Variants in MRGPRG observed in about 807,000 individuals in gnomAD.
MRGPRG encodes the protein MAS related GPR family member G.
For missense variants in MRGPRG, 395 were observed against 394.7 expected (o/e 1.00, Z -0.01); for synonymous variants, 216 against 206.7 (o/e 1.05, Z -0.39).
rs565968937 is a variant in MRGPRG at position 3,218,211 on chromosome 11, C to T, written c.603G>A (p.Leu201=). ...RPRPRLYGIV[L]GALLLLFFCG... is the part of the protein sequence containing the mutation. ...AGAAGAAGAGCAGGAGCAGCGCGCC[C>T]AGGACGATGCCGTAGAGCCTGGGCC... The change falls in exon 1 of 1, where the codon CTG becomes CTA. Residue 201 remains leucine (L), a synonymous_variant. Coordinates refer to ENST00000332314, the MANE Select transcript of MRGPRG (RefSeq NM_001164377.1). 60 of 1,530,676 alleles carry T rather than the reference C, an allele frequency of 3.9e-5. No homozygotes were observed. The East Asian group carries it at 1.4e-3, about 36-fold the overall frequency. The allele number at this position is 1,530,676 out of a possible 1,614,324, so 94.8% of individuals were successfully genotyped here. A position where few individuals can be genotyped will look rare whatever the true frequency, so the allele number is the denominator to read the frequency against.
chr11:3,218,561 T>A lies in MRGPRG; in HGVS notation c.253A>T (p.Thr85Ser). The A allele has an allele frequency of 1.3e-6, 2 of 1,543,064 alleles. No individual in the cohort carries two copies. The highest frequency in any genetic ancestry group is 1.7e-6 in the Non-Finnish European group (2 of 1,142,854). Reference sequence around the variant, plus strand: ...AGCCCCACCGCGAACCACAGGAAGGTGAGCACGAAGTAGAGTGTGTCCTGG... The same window carrying A: ...AGCCCCACCGCGAACCACAGGAAGGAGAGCACGAAGTAGAGTGTGTCCTGG... ...GAQDTLYFVL[T>S]FLWFAVGLWL... is the part of the protein sequence containing the mutation. Residue 85 changes from threonine (T) to serine (S), a missense_variant, in exon 1 of 1, where the codon ACC becomes TCC. Thr to Ser is a moderately conservative substitution (Grantham distance 58). Coordinates refer to ENST00000332314, the MANE Select transcript of MRGPRG (RefSeq NM_001164377.1).
rs1376151435 is a variant in MRGPRG at position 3,218,094 on chromosome 11, G to A, written c.720C>T (p.Cys240=). Reference sequence around the variant, plus strand: ...TGAGGGGCTTGGAGCTGCTGTTGACGCAGGCCAGCAGCGTGGCCAGCGGGG... The same window carrying A: ...TGAGGGGCTTGGAGCTGCTGTTGACACAGGCCAGCAGCGTGGCCAGCGGGG... ...VFSPLATLLA[C]VNSSSKPLIY... is the part of the protein sequence containing the mutation. The change falls in exon 1 of 1, where the codon TGC becomes TGT. Residue 240 remains cysteine (C), a synonymous_variant. Coordinates refer to ENST00000332314, the MANE Select transcript of MRGPRG (RefSeq NM_001164377.1). 1.9e-6 allele frequency: 3 copies of A among 1,544,750 alleles called. No homozygotes were observed. The highest frequency in any genetic ancestry group is 1.4e-5 in the African/African-American group (1 of 72,802).
chr11:3,217,992 G>A lies in MRGPRG; in HGVS notation c.822C>T (p.Gly274=). Residue 274 remains glycine (G), a synonymous_variant, in exon 1 of 1, where the codon GGC becomes GGT. Coordinates refer to ENST00000332314, the MANE Select transcript of MRGPRG (RefSeq NM_001164377.1). The surrounding 1 kb of genome is among the most constrained non-coding windows in gnomAD (Gnocchi z 6.5). ...ACTGTCCCCTGGCACCCAGCTCGGCGCCCTCCCCCAGGGCCCTCCGCAGTA... is the reference window on the plus strand; with the variant it reads ...ACTGTCCCCTGGCACCCAGCTCGGCACCCTCCCCCAGGGCCCTCCGCAGTA... The part of the protein sequence containing the change: ...RSVLRRALGE[G]AELGARGQSL... The A allele has an allele frequency of 6.6e-7, 1 of 1,520,974 alleles. No homozygotes were observed. Among genetic ancestry groups the A allele is most frequent in the Non-Finnish European group, 8.9e-7 (1 of 1,128,124 alleles). The allele number at this position is 1,520,974 out of a possible 1,614,324, so 94.2% of individuals were successfully genotyped here.
Position 3,218,147 on chromosome 11 carries a change from G to A in MRGPRG, c.667C>T (p.Leu223=). Residue 223 remains leucine (L), a synonymous_variant, in exon 1 of 1, where the codon CTG becomes TTG. Transcript: ENST00000332314. ...PSVFYWSLQP[L]LNFLLPVFSP... ...AACACGGGCAGCAGGAAGTTCAGCA[G>A]GGGCTGCAGGCTCCAGTAGAAGACC... 5.8e-6 allele frequency: 9 copies of A among 1,544,696 alleles called. No homozygotes were observed. The highest frequency in any genetic ancestry group is 7.9e-6 in the Non-Finnish European group (9 of 1,143,344).
chr11:3,218,123 A>T lies in MRGPRG; in HGVS notation c.691T>A (p.Phe231Ile). The change falls in exon 1 of 1, where the codon TTT becomes ATT. Residue 231 changes from phenylalanine (F) to isoleucine (I), a missense_variant. By Grantham distance (21) the Phe-to-Ile change is conservative. Coordinates refer to ENST00000332314, the MANE Select transcript of MRGPRG (RefSeq NM_001164377.1). ...GCCAGCAGCGTGGCCAGCGGGGAAA[A>T]CACGGGCAGCAGGAAGTTCAGCAGG... ...QPLLNFLLPV[F>I]SPLATLLACV... 1.3e-6 allele frequency: 2 copies of T among 1,544,760 alleles called. No individual in the cohort carries two copies. Among genetic ancestry groups the T allele is most frequent in the South Asian group, 1.2e-5 (1 of 83,376 alleles).
chr11:3,218,356 G>A lies in MRGPRG; in HGVS notation c.458C>T (p.Pro153Leu). 2 of 1,467,486 alleles carry A rather than the reference G, an allele frequency of 1.4e-6. No individual in the cohort carries two copies. Among genetic ancestry groups the A allele is most frequent in the East Asian group, 2.5e-5 (1 of 40,348 alleles). 90.9% of individuals were successfully genotyped at this position (1,467,486 alleles called of 1,614,324 possible). A position where few individuals can be genotyped will look rare whatever the true frequency, so the allele number is the denominator to read the frequency against. The change falls in exon 1 of 1, where the codon CCC (proline) becomes CTC (leucine). Residue 153 changes from proline (P) to leucine (L), a missense_variant. Physicochemically the swap from Pro to Leu is moderately conservative, Grantham distance 98. Coordinates refer to ENST00000332314, the MANE Select transcript of MRGPRG (RefSeq NM_001164377.1). ...ACGLLRNSACPLVCPRYHVAS... is the reference protein window; with the variant it reads ...ACGLLRNSACLLVCPRYHVAS... ...CACGTGGTAGCGCGGGCAGACCAGG[G>A]GGCACGCGCTGTTGCGCAGCAGGCC...
In MRGPRG at chr11:3,218,387, C is replaced by A; in HGVS notation, c.427G>T (p.Ala143Ser). Residue 143 changes from alanine to serine, a missense_variant, in exon 1 of 1, where the codon GCC becomes TCC. Transcript: ENST00000332314. ...GCGCTGTTGCGCAGCAGGCCGCAGG[C>A]GTTGGCGGGCAGCGGCACGGCCGGC... ...TLPAVPLPAN[A>S]CGLLRNSACP... 6.7e-7 allele frequency: 1 copy of A among 1,496,102 alleles called. No individual in the cohort carries two copies. The highest frequency in any genetic ancestry group is 2.3e-5 in the Admixed American group (1 of 44,320). 92.7% of individuals were successfully genotyped at this position (1,496,102 alleles called of 1,614,324 possible). A position where few individuals can be genotyped will look rare whatever the true frequency, so the allele number is the denominator to read the frequency against.
rs1847650090 is a variant in MRGPRG at position 3,218,572 on chromosome 11, T to C, written c.242A>G (p.Tyr81Cys). The C allele has an allele frequency of 1.9e-6, 3 of 1,544,080 alleles. No homozygotes were observed. Among genetic ancestry groups the C allele is most frequent in the Non-Finnish European group, 2.6e-6 (3 of 1,143,272 alleles). ...GAACCACAGGAAGGTGAGCACGAAG[T>C]AGAGTGTGTCCTGGGCGCCCAGGGC... ...QAALGAQDTLYFVLTFLWFAV... is the reference protein window; with the variant it reads ...QAALGAQDTLCFVLTFLWFAV... Residue 81 changes from tyrosine (Y) to cysteine (C), a missense_variant, in exon 1 of 1, where the codon TAC (tyrosine) becomes TGC (cysteine). Tyr to Cys is a radical substitution (Grantham distance 194). Coordinates refer to ENST00000332314, the MANE Select transcript of MRGPRG (RefSeq NM_001164377.1).
chr11:3,218,423 T>C lies in MRGPRG; in HGVS notation c.391A>G (p.Thr131Ala). The C allele has an allele frequency of 1.3e-6, 2 of 1,531,346 alleles. No individual in the cohort carries two copies. Among genetic ancestry groups the C allele is most frequent in the Non-Finnish European group, 1.8e-6 (2 of 1,140,048 alleles). 94.9% of individuals were successfully genotyped at this position (1,531,346 alleles called of 1,614,324 possible). A position where few individuals can be genotyped will look rare whatever the true frequency, so the allele number is the denominator to read the frequency against. ...ASAVLCALVW[T>A]PTLPAVPLPA... ...AGCGGCACGGCCGGCAGGGTCGGGG[T>C]CCACACCAGGGCGCAGAGGACGGCC... is the stretch of plus-strand genomic sequence containing the variant. The change falls in exon 1 of 1, where the codon ACC (threonine) becomes GCC (alanine). Residue 131 changes from threonine to alanine, a missense_variant. By Grantham distance (58) the Thr-to-Ala change is moderately conservative (BLOSUM62 0). Transcript: ENST00000332314.
Position 3,217,949 on chromosome 11 carries a change from G to C in MRGPRG, c.865C>G (p.Leu289Val). 1 of 1,481,990 alleles carries C rather than the reference G, an allele frequency of 6.7e-7. No homozygotes were observed. Among genetic ancestry groups the C allele is most frequent in the African/African-American group, 1.4e-5 (1 of 71,094 alleles). The allele number at this position is 1,481,990 out of a possible 1,614,324, so 91.8% of individuals were successfully genotyped here. The change falls in exon 1 of 1, where the codon CTA (leucine) becomes GTA (valine). Residue 289 changes from leucine to valine, a missense_variant. Coordinates refer to ENST00000332314, the MANE Select transcript of MRGPRG (RefSeq NM_001164377.1). This position sits in a 1 kb window ranked among gnomAD's most constrained non-coding sequence, Gnocchi z 6.5. ...ARGQSLPMGLL is the reference protein window; with the variant it reads ...ARGQSLPMGLV ...TGTGGGCGGGGCAAGCCCACTTATA[G>C]GAGACCCATGGGCAGGGACTGTCCC... is the stretch of plus-strand genomic sequence containing the variant.
chr11:3,218,050 C>T lies in MRGPRG; in HGVS notation c.764G>A (p.Arg255Gln), dbSNP rs1847642202. 2 of 1,544,032 alleles carry T rather than the reference C, an allele frequency of 1.3e-6. No homozygotes were observed. The highest frequency in any genetic ancestry group is 1.2e-5 in the South Asian group (1 of 83,344). ...SKPLIYSGLGRQPGKREPLRS... is the reference protein window; with the variant it reads ...SKPLIYSGLGQQPGKREPLRS... ...CAGCGGCTCCCGCTTCCCGGGCTGT[C>T]GGCCCAACCCCGAGTAGATGAGGGG... The change falls in exon 1 of 1, where the codon CGA becomes CAA. Residue 255 changes from arginine (R) to glutamine (Q), a missense_variant. Arg to Gln is a conservative substitution (Grantham distance 43). Coordinates refer to ENST00000332314, the MANE Select transcript of MRGPRG (RefSeq NM_001164377.1).
In MRGPRG at chr11:3,218,483, C is replaced by T. The variant is rs1236167622; in HGVS notation, c.331G>A (p.Ala111Thr). The change falls in exon 1 of 1, where the codon GCC becomes ACC. Residue 111 changes from alanine to threonine, a missense_variant. Physicochemically the swap from Ala to Thr is moderately conservative, Grantham distance 58. Transcript: ENST00000332314. ...CTGGGCCGGCAGCCCTGGTAGCAGG[C>T]GGGGAAGAGGTCGGAGAGGCAGCGC... ...VERCLSDLFP[A>T]CYQGCRPRHA... The T allele has an allele frequency of 2.6e-6, 4 of 1,544,044 alleles. No individual in the cohort carries two copies. The East Asian group carries it at 7.3e-5, about 28-fold the overall frequency.
Position 3,218,547 on chromosome 11 carries a change from G to A in MRGPRG, c.267C>T (p.Phe89=), listed in dbSNP as rs1204855245. 2.1e-5 allele frequency: 33 copies of A among 1,545,460 alleles called. 1 individual carries two copies. The highest frequency in any genetic ancestry group is 1.2e-4 in the Admixed American group (6 of 50,836). ...CCGCCAGCAGCCAGAGCCCCACCGCGAACCACAGGAAGGTGAGCACGAAGT... is the reference window on the plus strand; with the variant it reads ...CCGCCAGCAGCCAGAGCCCCACCGCAAACCACAGGAAGGTGAGCACGAAGT... ...TLYFVLTFLW[F]AVGLWLLAAF... is the part of the protein sequence containing the mutation. Residue 89 remains phenylalanine, a synonymous_variant, in exon 1 of 1, where the codon TTC becomes TTT. Coordinates refer to ENST00000332314, the MANE Select transcript of MRGPRG (RefSeq NM_001164377.1).
In MRGPRG at chr11:3,218,066, A is replaced by G. The variant is rs531900362; in HGVS notation, c.748T>C (p.Tyr250His). Reference protein sequence around the residue: ...CVNSSSKPLIYSGLGRQPGKR... With the variant: ...CVNSSSKPLIHSGLGRQPGKR... ...CCGGGCTGTCGGCCCAACCCCGAGT[A>G]GATGAGGGGCTTGGAGCTGCTGTTG... Residue 250 changes from tyrosine (Y) to histidine (H), a missense_variant, in exon 1 of 1, where the codon TAC becomes CAC. Coordinates refer to ENST00000332314, the MANE Select transcript of MRGPRG (RefSeq NM_001164377.1). 4.7e-5 allele frequency: 72 copies of G among 1,544,764 alleles called. No homozygotes were observed. Among genetic ancestry groups the G allele is most frequent in the Admixed American group, 3.1e-4 (16 of 50,830 alleles).
rs1455184605 is a variant in MRGPRG at position 3,218,034 on chromosome 11, C to G, written c.780G>C (p.Arg260=). The stretch of plus-strand genomic sequence containing the variant: ...TCCGCAGTACCGACCTCAGCGGCTC[C>G]CGCTTCCCGGGCTGTCGGCCCAACC... ...YSGLGRQPGK[R]EPLRSVLRRA... Residue 260 remains arginine, a synonymous_variant, in exon 1 of 1, where the codon CGG becomes CGC. Coordinates refer to ENST00000332314, the MANE Select transcript of MRGPRG (RefSeq NM_001164377.1). 6.5e-7 allele frequency: 1 copy of G among 1,543,674 alleles called. No homozygotes were observed. Among genetic ancestry groups the G allele is most frequent in the Non-Finnish European group, 8.7e-7 (1 of 1,143,042 alleles).
chr11:3,218,757 C>A lies in MRGPRG; in HGVS notation c.57G>T (p.Thr19=). 3.9e-6 allele frequency: 6 copies of A among 1,545,812 alleles called. No homozygotes were observed. Among genetic ancestry groups the A allele is most frequent in the Non-Finnish European group, 5.2e-6 (6 of 1,143,700 alleles). ...CCGGTCCCCCGAGGCCCACGATCAGCGTCAGGTAGAAGACCACACTGTCGA... is the reference window on the plus strand; with the variant it reads ...CCGGTCCCCCGAGGCCCACGATCAGAGTCAGGTAGAAGACCACACTGTCGA... ...RTFDSVVFYL[T]LIVGLGGPVG... is the part of the protein sequence containing the mutation. Residue 19 remains threonine (T), a synonymous_variant, in exon 1 of 1, where the codon ACG becomes ACT. Transcript: ENST00000332314.
chr11:3,217,993 C>A lies in MRGPRG; in HGVS notation c.821G>T (p.Gly274Val). The stretch of plus-strand genomic sequence containing the variant: ...CTGTCCCCTGGCACCCAGCTCGGCG[C>A]CCTCCCCCAGGGCCCTCCGCAGTAC... The part of the protein sequence containing the change: ...RSVLRRALGE[G>V]AELGARGQSL... Residue 274 changes from glycine (G) to valine (V), a missense_variant, in exon 1 of 1, where the codon GGC becomes GTC. Coordinates refer to ENST00000332314, the MANE Select transcript of MRGPRG (RefSeq NM_001164377.1). The surrounding 1 kb of genome is among the most constrained non-coding windows in gnomAD (Gnocchi z 6.5). 1.3e-6 allele frequency: 2 copies of A among 1,521,982 alleles called. No homozygotes were observed. Among genetic ancestry groups the A allele is most frequent in the Middle Eastern group, 2.1e-4 (1 of 4,716 alleles). 94.3% of individuals were successfully genotyped at this position (1,521,982 alleles called of 1,614,324 possible). A position where few individuals can be genotyped will look rare whatever the true frequency, so the allele number is the denominator to read the frequency against.
In MRGPRG at chr11:3,218,149, G is replaced by A; in HGVS notation, c.665C>T (p.Pro222Leu). The change falls in exon 1 of 1, where the codon CCC (proline) becomes CTC (leucine). Residue 222 changes from proline (P) to leucine (L), a missense_variant. Physicochemically the swap from Pro to Leu is moderately conservative, Grantham distance 98. Transcript: ENST00000332314. Reference protein sequence around the residue: ...LPSVFYWSLQPLLNFLLPVFS... With the variant: ...LPSVFYWSLQLLLNFLLPVFS... ...CACGGGCAGCAGGAAGTTCAGCAGG[G>A]GCTGCAGGCTCCAGTAGAAGACCGA... The A allele has an allele frequency of 6.5e-7, 1 of 1,544,660 alleles. No individual in the cohort carries two copies. The highest frequency in any genetic ancestry group is 8.7e-7 in the Non-Finnish European group (1 of 1,143,342).
rs74049082 is a variant in MRGPRG at position 3,218,758 on chromosome 11, G to C, written c.56C>G (p.Thr19Arg). ...CGGTCCCCCGAGGCCCACGATCAGC[G>C]TCAGGTAGAAGACCACACTGTCGAA... ...RTFDSVVFYL[T>R]LIVGLGGPVG... The change falls in exon 1 of 1, where the codon ACG becomes AGG. Residue 19 changes from threonine (T) to arginine (R), a missense_variant. Physicochemically the swap from Thr to Arg is moderately conservative, Grantham distance 71. Transcript: ENST00000332314. 9,612 of 1,545,702 alleles carry C rather than the reference G, an allele frequency of 6.2e-3. 778 individuals carry two copies. In the African/African-American group the frequency reaches 0.12, roughly 19 times the overall value.
Sources: gnomAD v4.1 joint callset for allele counts on GRCh38, gnomAD v4.1.1 for gene constraint, Gnocchi (gnomAD v3.1) non-coding constraint, MANE v1.5 for transcripts, NCBI Gene and HGNC (gene_info 2026-07-23, HGNC 2026-07-21) for gene names.